Variants in SGTB observed in about 807,000 individuals in gnomAD.
The protein encoded by SGTB is small glutamine rich tetratricopeptide repeat co-chaperone beta.
A neutral mutation model predicts 43.9 loss-of-function variants in SGTB; 19 were observed. That is an observed-to-expected ratio of 0.43 (90% confidence interval 0.30 to 0.63). The LOEUF is 0.63. Ranked by LOEUF, SGTB falls within the 30% of genes least tolerant of loss-of-function variation. The pLI, the probability that SGTB is intolerant of heterozygous loss-of-function variation, is 0.12. For synonymous variants in SGTB, 116 were observed against 117.3 expected, an observed-to-expected ratio of 0.99 and a Z score of 0.07; for missense variants, 304 against 358.9, an observed-to-expected ratio of 0.85 and a Z score of 1.24.
At chr5:65,715,109 G>GA (rs1352242057) in intron 2 of SGTB, among the ~76,000 whole-genome samples, 1 of 152,084 alleles carries the variant, frequency 6.6e-6, no homozygotes, top group Non-Finnish European at 1.5e-5. Flanking sequence ...AATCCAGGCT[G>GA]AAAAAATTAA....
intron 4 of SGTB, among the ~76,000 whole-genome samples, chr5:65,705,862 T>TACAAAAA (rs1255761501): frequency 1.2e-5 from 1 of 81,318 alleles, no homozygotes; most frequent in African/African-American, 4.6e-5. Context: ...ACCCTATCTC[T>TACAAAAA]ACAAAAAAAA....
rs1757082401 is a variant in SGTB at position 65,668,315 on chromosome 5, T to C, written c.*1931A>G. 1.3e-5 allele frequency: 2 copies of C among 152,104 alleles called. No homozygotes were observed. The highest frequency in any genetic ancestry group is 6.6e-5 in the Admixed American group (1 of 15,260). 9.4% of individuals were successfully genotyped at this position (152,104 alleles called of 1,614,324 possible). ...ATCTGCATTATTACTCATTTAATTG[T>C]ATATTACTTCCTGGCCAGGCACAGT... On this transcript the variant is annotated 3_prime_UTR_variant, in exon 11 of 11. Transcript: ENST00000381007.
chr5:65,678,575 A>G (rs1757326346), intron 8 of SGTB, among the ~76,000 whole-genome samples: 2 of 152,246 alleles, frequency 1.3e-5, no homozygotes, highest in African/African-American at 2.4e-5. Context: ...CTGAGGCATC[A>G]TGCTACCCAA....
At chr5:65,682,164 T>C (rs1354272168) in intron 6 of SGTB, among the ~76,000 whole-genome samples, 4 of 151,984 alleles carry the variant, frequency 2.6e-5, no homozygotes, top group African/African-American at 4.8e-5. Context: ...GGGAGGAGCA[T>C]TGTAGTGGAA....
At chr5:65,715,188 C>T (rs1758125961) in intron 2 of SGTB, among the ~76,000 whole-genome samples, 1 of 152,162 alleles carries the variant, frequency 6.6e-6, no homozygotes, top group South Asian at 2.1e-4. Flanking sequence ...GAGATTATTA[C>T]ATTTGATCTT....
rs1435160637 is a variant in SGTB, at chr5:65,704,633, A to C, written c.275-255T>G. 2.6e-5 allele frequency among the ~76,000 whole-genome samples: 4 copies of C among 152,240 alleles called. No homozygotes were observed. The East Asian group carries it at 7.7e-4, about 29-fold the overall frequency. ...ATACCTTATAAAATCCAGACTTAAAAGAGTAAATGCAACAATTATGACTAT... is the reference window on the plus strand; with the variant it reads ...ATACCTTATAAAATCCAGACTTAAACGAGTAAATGCAACAATTATGACTAT... On this transcript the variant is annotated intron_variant, in intron 4 of 10. Transcript: ENST00000381007.
chr5:65,706,327 G>A (rs1229580991), intron 4 of SGTB, among the ~76,000 whole-genome samples: 2 of 152,066 alleles, frequency 1.3e-5, no homozygotes, highest in African/African-American at 4.8e-5. Flanking sequence ...TAATTTTCTG[G>A]GTTATTGAGA....
intron 3 of SGTB, among the ~76,000 whole-genome samples, chr5:65,712,554 A>G (rs1758063798): frequency 6.6e-6 from 1 of 152,194 alleles, no homozygotes; most frequent in Non-Finnish European, 1.5e-5. Flanking sequence ...TTCCAGAGGA[A>G]TCCATTTCTG....
rs1286511603 is a variant in SGTB at position 65,667,175 on chromosome 5, T to C, written c.*3071A>G. On this transcript the variant is annotated 3_prime_UTR_variant, in exon 11 of 11. Transcript: ENST00000381007. Reference sequence around the variant, plus strand: ...CTATAGGGAATCTGTTTCATCTAAGTTGTTAAATATACAATCCTTGAGTTG... The same window carrying C: ...CTATAGGGAATCTGTTTCATCTAAGCTGTTAAATATACAATCCTTGAGTTG... The C allele has an allele frequency of 1.4e-4, 22 of 152,234 alleles. No individual in the cohort carries two copies. Among genetic ancestry groups the C allele is most frequent in the Admixed American group, 1.4e-3 (22 of 15,282 alleles). 9.4% of individuals were successfully genotyped at this position (152,234 alleles called of 1,614,324 possible).
chr5:65,687,204 T>C (rs934048717), intron 5 of SGTB, among the ~76,000 whole-genome samples: 2 of 152,208 alleles, frequency 1.3e-5, no homozygotes, highest in African/African-American at 2.4e-5. Context: ...ATTCCCATCA[T>C]AGCCTGGTTT....
intron 8 of SGTB, among the ~76,000 whole-genome samples, chr5:65,674,453 C>T (rs1024690846): frequency 2.6e-5 from 4 of 152,136 alleles, no homozygotes; most frequent in Non-Finnish European, 4.4e-5. Flanking sequence ...CTGCCCAAAC[C>T]ACACAGCTAA....
intron 2 of SGTB, among the ~76,000 whole-genome samples, chr5:65,720,081 C>CTTTT (rs11312137): frequency 5.6e-5 from 7 of 124,976 alleles, no homozygotes; most frequent in Non-Finnish European, 6.7e-5. Flanking sequence ...TTTTCTTTTT[C>CTTTT]TTTTTTTTTT....
chr5:65,693,545 A>T (rs1303607194), intron 5 of SGTB, among the ~76,000 whole-genome samples: 2 of 152,146 alleles, frequency 1.3e-5, no homozygotes, highest in Non-Finnish European at 2.9e-5. Flanking sequence ...AGAAGTTTAA[A>T]TAGGTTTAAT....
chr5:65,694,445 C>T (rs9291843), intron 5 of SGTB, among the ~76,000 whole-genome samples: 2,652 of 152,098 alleles, frequency 0.017, 75 homozygotes, highest in African/African-American at 0.061. Context: ...TTAAGAAAGT[C>T]GTCCCAAAGA....
At chr5:65,722,468 C>T (rs1758335749), upstream of SGTB, 14 of 1,488,652 alleles carry the variant, frequency 9.4e-6, no homozygotes, top group Non-Finnish European at 1.3e-5. Context: ...GGTCTTTCGC[C>T]GTGTGGTGCC....
intron 5 of SGTB, among the ~76,000 whole-genome samples, chr5:65,702,013 C>G (rs1757835783): frequency 6.6e-6 from 1 of 152,248 alleles, no homozygotes; most frequent in Admixed American, 6.5e-5. Context: ...TGCTCAACAG[C>G]CACTGTGGCT....
intron 1 of SGTB, among the ~76,000 whole-genome samples, 166 bp downstream of exon 1, chr5:65,721,751 G>T (rs367775904): frequency 1.1e-4 from 17 of 152,262 alleles, no homozygotes; most frequent in African/African-American, 3.9e-4. Flanking sequence ...AGGGAAATAG[G>T]CTTCTCCCCC....
At chr5:65,707,162 C>G (rs1266209456) in intron 4 of SGTB, among the ~76,000 whole-genome samples, 2 of 151,622 alleles carry the variant, frequency 1.3e-5, no homozygotes, top group Non-Finnish European at 2.9e-5. Context: ...ACTCGGGAGG[C>G]TGAGGCAGGA....
rs1757081432 is a variant in SGTB at position 65,668,265 on chromosome 5, G to C, written c.*1981C>G. 1 of 151,632 alleles carries C rather than the reference G, an allele frequency of 6.6e-6. No homozygotes were observed. The highest frequency in any genetic ancestry group is 1.5e-5 in the Non-Finnish European group (1 of 68,044). 9.4% of individuals were successfully genotyped at this position (151,632 alleles called of 1,614,324 possible). A position where few individuals can be genotyped will look rare whatever the true frequency, so the allele number is the denominator to read the frequency against. On this transcript the variant is annotated 3_prime_UTR_variant, in exon 11 of 11. Coordinates refer to ENST00000381007, the MANE Select transcript of SGTB (RefSeq NM_019072.3). ...ACAGCGCCCGGCCAATTAGTCTTTT[G>C]ATAAGGGTTCTATAAGGCCTAATCA...
Sources: gnomAD v4.1 joint callset for allele counts (sites outside exome capture counted in the v4.1 genomes callset) on GRCh38, gnomAD v4.1.1 for gene constraint, MANE v1.5 for transcripts, NCBI Gene and HGNC (gene_info 2026-07-23, HGNC 2026-07-21) for gene names.